PRKG1: variants seen among roughly 807,000 people sequenced by gnomAD.
PRKG1 encodes the protein protein kinase cGMP-dependent 1, also known as cGMP-dependent protein kinase 1.
Under a neutral mutation model 88.1 loss-of-function variants are expected in PRKG1, and 35 were observed. The observed-to-expected ratio is 0.40, with a 90% CI of 0.30 to 0.53. PRKG1 has a LOEUF of 0.53. Ranked by LOEUF, PRKG1 falls within the 20% of genes least tolerant of loss-of-function variation. PRKG1 has a pLI of 0.59. For synonymous variants in PRKG1, 303 were observed against 292.5 expected (o/e 1.04, Z -0.37); for missense variants, 540 against 839.8 (o/e 0.64, Z 4.41).
intron 1 of PRKG1, among the ~76,000 whole-genome samples, chr10:51,100,353 G>A (rs188454436): frequency 1.6e-4 from 24 of 152,278 alleles, no homozygotes; most frequent in African/African-American, 5.8e-4. Context: ...AATTTAAAAT[G>A]TCTAATGTTT....
chr10:51,009,922 T>C (rs765620112), intron 1 of PRKG1, among the ~76,000 whole-genome samples: 29 of 152,256 alleles, frequency 1.9e-4, no homozygotes, highest in Admixed American at 3.3e-4. Flanking sequence ...GCTTTGATTC[T>C]CATACGCCTG....
At chr10:51,305,977 G>A (rs1841026350) in intron 2 of PRKG1, among the ~76,000 whole-genome samples, 1 of 152,120 alleles carries the variant, frequency 6.6e-6, no homozygotes, top group East Asian at 1.9e-4. Flanking sequence ...AGGCAGTCCT[G>A]AGTAGATGCA....
At chr10:51,862,144 A>G (rs1840892110) in intron 4 of PRKG1, among the ~76,000 whole-genome samples, 1 of 152,100 alleles carries the variant, frequency 6.6e-6, no homozygotes, top group Non-Finnish European at 1.5e-5. Flanking sequence ...TGTGGCAAAC[A>G]ATGGGGGAGA....
At chr10:51,522,539 T>C (rs1295281507) in intron 3 of PRKG1, among the ~76,000 whole-genome samples, 1 of 152,218 alleles carries the variant, frequency 6.6e-6, no homozygotes, top group African/African-American at 2.4e-5. Flanking sequence ...TTTGCTACCA[T>C]CTTTAACATT....
intron 4 of PRKG1, among the ~76,000 whole-genome samples, chr10:51,820,073 G>A (rs936658942): frequency 1.7e-4 from 26 of 151,998 alleles, no homozygotes; most frequent in Non-Finnish European, 2.9e-4. Context: ...TATAGAAACC[G>A]AAAAGACAAA....
chr10:51,573,691 C>T (rs1450540654), intron 3 of PRKG1, among the ~76,000 whole-genome samples: 1 of 151,756 alleles, frequency 6.6e-6, no homozygotes, highest in Non-Finnish European at 1.5e-5. Flanking sequence ...CTTTAGGCCC[C>T]ACATAACCTT....
At chr10:52,293,583 T>C (rs1842317532) in intron 17 of PRKG1, among the ~76,000 whole-genome samples, 1 of 152,142 alleles carries the variant, frequency 6.6e-6, no homozygotes, top group African/African-American at 2.4e-5. Context: ...TGATTATTTG[T>C]TTTAATCATA....
chr10:51,244,112 A>C (rs906377632), intron 2 of PRKG1, among the ~76,000 whole-genome samples: 1 of 152,168 alleles, frequency 6.6e-6, no homozygotes, highest in Non-Finnish European at 1.5e-5. Flanking sequence ...ATAAACACAC[A>C]ATCAATAAAA....
chr10:51,982,489 C>A (rs1258753422), intron 5 of PRKG1, among the ~76,000 whole-genome samples: 1 of 152,056 alleles, frequency 6.6e-6, no homozygotes, highest in Non-Finnish European at 1.5e-5. Context: ...GATTTATTTT[C>A]TTTTATCCTA....
chr10:51,365,922 A>G (rs766435211), intron 2 of PRKG1, among the ~76,000 whole-genome samples: 15 of 151,916 alleles, frequency 9.9e-5, no homozygotes, highest in Non-Finnish European at 2.1e-4. Flanking sequence ...TACGAAAAAA[A>G]AAATTGCTGT....
intron 3 of PRKG1, among the ~76,000 whole-genome samples, chr10:51,671,348 T>G (rs1223757356): frequency 1.3e-5 from 2 of 152,160 alleles, no homozygotes; most frequent in African/African-American, 4.8e-5. Context: ...ATGACAGAAA[T>G]GTATTCTCAC....
chr10:52,179,080 T>C (rs781440352), intron 9 of PRKG1, among the ~76,000 whole-genome samples: 16 of 152,144 alleles, frequency 1.1e-4, no homozygotes, highest in Non-Finnish European at 1.9e-4. Flanking sequence ...ATATCCTTTG[T>C]TCCTTTCTTC....
intron 2 of PRKG1, among the ~76,000 whole-genome samples, chr10:51,282,300 G>T (rs909056880): frequency 1.3e-5 from 2 of 152,158 alleles, no homozygotes; most frequent in African/African-American, 4.8e-5. Context: ...AATTCTGTGA[G>T]ACACATCTAG....
intron 3 of PRKG1, among the ~76,000 whole-genome samples, chr10:51,708,015 G>T (rs765434851): frequency 3.2e-4 from 49 of 152,318 alleles, no homozygotes; most frequent in Middle Eastern, 3.4e-3. Flanking sequence ...GGAAGTGGTG[G>T]TTATTTTCAT....
At chr10:52,262,790 A>G (rs1263922644) in intron 10 of PRKG1, among the ~76,000 whole-genome samples, 1 of 152,118 alleles carries the variant, frequency 6.6e-6, no homozygotes, top group Non-Finnish European at 1.5e-5. Flanking sequence ...TAGTATTTGC[A>G]TATACACACA....
intron 3 of PRKG1, among the ~76,000 whole-genome samples, chr10:51,714,115 G>A (rs1841828496): frequency 2.0e-5 from 3 of 152,138 alleles, no homozygotes; most frequent in Non-Finnish European, 2.9e-5. Flanking sequence ...GAGTAGCTGG[G>A]ACTACAGGCG....
chr10:51,108,927 C>A (rs10761811), intron 1 of PRKG1, among the ~76,000 whole-genome samples: 38,565 of 151,846 alleles, frequency 0.25, 5,103 homozygotes, highest in Admixed American at 0.29. Context: ...ATGCAGGATA[C>A]TACATCAATA....
intron 4 of PRKG1, among the ~76,000 whole-genome samples, chr10:51,840,069 G>A (rs868767342): frequency 1.4e-4 from 21 of 152,268 alleles, no homozygotes; most frequent in Middle Eastern, 6.8e-3. Context: ...GTGGCAGACC[G>A]TTGCCTTTCT....
intron 3 of PRKG1, among the ~76,000 whole-genome samples, chr10:51,577,255 T>C (rs573744784): frequency 1.4e-4 from 22 of 152,006 alleles, no homozygotes; most frequent in South Asian, 6.2e-4. Context: ...TGCATCATAT[T>C]AGTCAATCTG....
Sources: allele counts gnomAD v4.1 joint callset (sites outside exome capture counted in the v4.1 genomes callset), GRCh38; gene constraint gnomAD v4.1.1; transcripts MANE v1.5; gene names NCBI Gene and HGNC (gene_info 2026-07-23, HGNC 2026-07-21).